The following ATG7 variants were observed in gnomAD, a reference collection of about 807,000 sequenced individuals.
ATG7 encodes autophagy related 7.
Under a neutral mutation model 82.4 loss-of-function variants are expected in ATG7, and 70 were observed. The ratio of observed to expected loss-of-function variants is 0.85; its 90% CI spans 0.70 to 1.04. ATG7 has a LOEUF of 1.04. ATG7 is among the 50% of genes least tolerant of loss of function. The probability of loss-of-function intolerance (pLI) is 0.00; values close to 1 mark genes in which losing one functional copy is unlikely to be tolerated. For missense variants in ATG7, 792 were observed against 864.3 expected, an observed-to-expected ratio of 0.92 and a Z score of 1.05; for synonymous variants, 287 against 313.0, an observed-to-expected ratio of 0.92 and a Z score of 0.88.
intron 20 of ATG7, among the ~76,000 whole-genome samples, chr3:11,450,289 T>C (rs1370410673): frequency 6.6e-6 from 1 of 152,202 alleles, no homozygotes; most frequent in Non-Finnish European, 1.5e-5. Context: ...GTGTCTTTCT[T>C]ACATATTAGT....
intron 20 of ATG7, among the ~76,000 whole-genome samples, chr3:11,491,001 G>C (rs1220565004): frequency 6.6e-6 from 1 of 152,136 alleles, no homozygotes; most frequent in Non-Finnish European, 1.5e-5. Context: ...TGTATTTCCT[G>C]AATCTGAATG....
chr3:11,432,706 C>T (rs6767274), intron 20 of ATG7, among the ~76,000 whole-genome samples: 2,349 of 152,246 alleles, frequency 0.015, 69 homozygotes, highest in African/African-American at 0.054. Context: ...ATTATAGTTA[C>T]ATTCTGCTCA....
At position 11,419,445 on chromosome 3, in the gene ATG7, T is replaced by C. The variant is rs903286609; in HGVS notation, c.1957-7359T>C. Among the ~76,000 whole-genome samples the C allele has an allele frequency of 3.3e-5, 5 of 152,106 alleles. No homozygotes were observed. In the East Asian group the frequency reaches 9.7e-4, roughly 29 times the overall value. On this transcript the variant is annotated intron_variant, in intron 19 of 20. Coordinates refer to ENST00000693202, the MANE Select transcript of ATG7 (RefSeq NM_001349232.2). ...GGTGTGCGCCTGTAATCCCAGCTACTGGGGTGGCTAAGGCAGGAGAATTGC... is the reference window on the plus strand; with the variant it reads ...GGTGTGCGCCTGTAATCCCAGCTACCGGGGTGGCTAAGGCAGGAGAATTGC...
the ATG7 span, chr3:11,564,851 G>A: frequency 2.9e-5 from 46 of 1,605,578 alleles, no homozygotes; most frequent in East Asian, 4.5e-5. Flanking sequence ...GCCTGCTGGC[G>A]TCCAGGCTGT....
At chr3:11,506,447 TC>T (rs1451427581) in intron 20 of ATG7, among the ~76,000 whole-genome samples, 1 of 150,458 alleles carries the variant, frequency 6.6e-6, no homozygotes, top group Non-Finnish European at 1.5e-5. Context: ...GGTGTGGTCA[TC>T]CTATGTGCTT....
chr3:11,364,652 TC>T lies in ATG7; in HGVS notation c.1800-5del, dbSNP rs778464370. 6.2e-7 allele frequency: 1 copy of T among 1,614,086 alleles called. No individual in the cohort carries two copies. Among genetic ancestry groups the T allele is most frequent in the Admixed American group, 1.7e-5 (1 of 60,020 alleles). On this transcript the variant is annotated splice_region_variant and splice_polypyrimidine_tract_variant and intron_variant, in intron 17 of 20. Coordinates refer to ENST00000693202, the MANE Select transcript of ATG7 (RefSeq NM_001349232.2). ...AATGAGCAGCTCTGATTGTTTCCTG[TC>T]CTCAGGGGCTATGCCATTGCCAGCA... is the stretch of plus-strand genomic sequence containing the variant.
chr3:11,513,119 A>G (rs1320486470), intron 20 of ATG7, among the ~76,000 whole-genome samples: 4 of 152,210 alleles, frequency 2.6e-5, no homozygotes, highest in African/African-American at 7.2e-5. Flanking sequence ...TGTATTTACA[A>G]TCCCCTAGCT....
chr3:11,308,612 G>A (rs1019285532), intron 6 of ATG7: 3 of 235,860 alleles, frequency 1.3e-5, no homozygotes, highest in Non-Finnish European at 2.5e-5. Context: ...GTGTCTTGAG[G>A]GTAGGGACTG....
intron 19 of ATG7, among the ~76,000 whole-genome samples, chr3:11,403,931 T>G (rs1050935148): frequency 1.1e-4 from 17 of 152,180 alleles, no homozygotes; most frequent in African/African-American, 3.1e-4. Flanking sequence ...TAGTTTTGGC[T>G]GTTACTGCTC....
rs866013637 is a variant in ATG7 at position 11,379,991 on chromosome 3, G to A, written c.1895G>A (p.Arg632Gln). Residue 632 changes from arginine (R) to glutamine (Q), a missense_variant, in exon 19 of 21, where the codon CGG (arginine) becomes CAG (glutamine). Physicochemically the swap from Arg to Gln is conservative, Grantham distance 43 (BLOSUM62 1). Transcript: ENST00000693202. ...TTTTAGATCCGGGGATTTCTTTCAC[G>A]GTTTGATAATGTCCTTCCCGTCAGC... ...VPHQIRGFLSRFDNVLPVSLA... is the reference protein window; with the variant it reads ...VPHQIRGFLSQFDNVLPVSLA... 11 of 1,613,958 alleles carry A rather than the reference G, an allele frequency of 6.8e-6. No homozygotes were observed. The highest frequency in any genetic ancestry group is 4.0e-5 in the African/African-American group (3 of 74,914).
chr3:11,309,258 CT>C (rs1377187486), intron 7 of ATG7, among the ~76,000 whole-genome samples, 197 bp downstream of exon 7: 2 of 152,220 alleles, frequency 1.3e-5, no homozygotes, highest in Non-Finnish European at 2.9e-5. Context: ...TAATTCACCC[CT>C]ATGGATCATA....
chr3:11,387,811 A>G (rs1252124664), intron 19 of ATG7, among the ~76,000 whole-genome samples: 1 of 152,190 alleles, frequency 6.6e-6, no homozygotes, highest in South Asian at 2.1e-4. Context: ...TCTACTAAAA[A>G]GGCAAAAAAT....
intron 19 of ATG7, among the ~76,000 whole-genome samples, chr3:11,424,140 A>G (rs933840696): frequency 2.0e-5 from 3 of 151,912 alleles, no homozygotes; most frequent in African/African-American, 4.8e-5. Context: ...GCTTTGCTCA[A>G]CCTTCCCTCC....
chr3:11,517,528 C>T (rs1028015661), intron 20 of ATG7, among the ~76,000 whole-genome samples: 1 of 152,122 alleles, frequency 6.6e-6, no homozygotes, highest in Non-Finnish European at 1.5e-5. Context: ...TCAGCAGGCA[C>T]ACAGAGGCCT....
intron 7 of ATG7, among the ~76,000 whole-genome samples, chr3:11,309,461 T>G (rs976094499): frequency 1.5e-4 from 20 of 133,342 alleles, no homozygotes; most frequent in South Asian, 2.2e-4. Context: ...ATTTTTTTTT[T>G]TTGTTTTTTT....
Position 11,272,437 on chromosome 3 carries a change from G to A in ATG7, c.-366+7G>A, listed in dbSNP as rs1168308025. On this transcript the variant is annotated splice_region_variant and intron_variant, in intron 1 of 20. Coordinates refer to ENST00000693202, the MANE Select transcript of ATG7 (RefSeq NM_001349232.2). ...TGCCGGAAGTTGAGCGGCGGTAAGT[G>A]AGCCGCGGCGGGCGAGGGTGTAGTG... 1 of 152,524 alleles carries A rather than the reference G, an allele frequency of 6.6e-6. No individual in the cohort carries two copies. The highest frequency in any genetic ancestry group is 1.5e-5 in the Non-Finnish European group (1 of 68,146). The allele number at this position is 152,524 out of a possible 1,614,324, so 9.4% of individuals were successfully genotyped here. A position where few individuals can be genotyped will look rare whatever the true frequency, so the allele number is the denominator to read the frequency against.
At chr3:11,497,373 ATATATAT>A (rs1559751847) in intron 20 of ATG7, among the ~76,000 whole-genome samples, 1 of 115,550 alleles carries the variant, frequency 8.7e-6, no homozygotes, top group Non-Finnish European at 1.8e-5. Flanking sequence ...ATATATATAT[ATATATAT>A]ATATATATAT....
intron 20 of ATG7, among the ~76,000 whole-genome samples, chr3:11,531,631 G>A (rs1385188222): frequency 6.6e-6 from 1 of 152,140 alleles, no homozygotes; most frequent in Non-Finnish European, 1.5e-5. Flanking sequence ...CAGCACTTTG[G>A]GATGCCAAGG....
At position 11,489,404 on chromosome 3, in the gene ATG7, A is replaced by G. The variant is rs571151552; in HGVS notation, c.2079+62478A>G. On this transcript the variant is annotated intron_variant, in intron 20 of 20. Transcript: ENST00000693202. ...TATTAGTCTTGCTAGTGGTCTATCA[A>G]TTTTATTGATCCTTTCAAAAAAACC... Among the ~76,000 whole-genome samples the G allele has an allele frequency of 1.2e-3, 179 of 151,864 alleles. 1 individual carries two copies. The highest frequency in any genetic ancestry group is 4.0e-3 in the African/African-American group (165 of 41,404).
Sources: allele counts gnomAD v4.1 joint callset (sites outside exome capture counted in the v4.1 genomes callset), GRCh38; gene constraint gnomAD v4.1.1; transcripts MANE v1.5; gene names NCBI Gene and HGNC (gene_info 2026-07-23, HGNC 2026-07-21).